Variants in RAVER2 observed in about 807,000 individuals in gnomAD.
RAVER2 encodes the protein ribonucleoprotein, PTB binding 2.
Under a neutral mutation model 78.1 loss-of-function variants are expected in RAVER2, and 46 were observed. That is an observed-to-expected ratio of 0.59 (90% confidence interval 0.46 to 0.75). The LOEUF is 0.75. Among genes scored for constraint, RAVER2 ranks in the 30% least tolerant of loss-of-function variants. RAVER2 has a pLI of 0.00. For synonymous variants in RAVER2, 311 were observed against 313.3 expected (o/e 0.99, Z 0.08); for missense variants, 793 against 837.5 (o/e 0.95, Z 0.66).
At chr1:64,780,080 A>T (rs1316338334) in intron 3 of RAVER2, among the ~76,000 whole-genome samples, 4 of 145,292 alleles carry the variant, frequency 2.8e-5, no homozygotes. Flanking sequence ...ATAGAATAGT[A>T]AAAAAAAATT....
At chr1:64,783,222 T>A (rs976779349) in intron 4 of RAVER2, among the ~76,000 whole-genome samples, 1 of 152,226 alleles carries the variant, frequency 6.6e-6, no homozygotes, top group African/African-American at 2.4e-5. Flanking sequence ...ATAGCATGAT[T>A]GATAATCCTT....
At chr1:64,810,653 G>A (rs1653578495) in intron 9 of RAVER2, among the ~76,000 whole-genome samples, 2 of 152,118 alleles carry the variant, frequency 1.3e-5, no homozygotes, top group African/African-American at 2.4e-5. Context: ...TTGTGGTTTT[G>A]ATTTGCATTT....
intron 2 of RAVER2, among the ~76,000 whole-genome samples, chr1:64,776,979 A>C (rs999130056): frequency 6.6e-6 from 1 of 152,216 alleles, no homozygotes; most frequent in Admixed American, 6.5e-5. Flanking sequence ...TCTTGTCTTA[A>C]GATCAGAATC....
At chr1:64,781,655 A>T in intron 4 of RAVER2, 84 bp downstream of exon 4, 2 of 1,301,084 alleles carry the variant, frequency 1.5e-6, no homozygotes, top group Non-Finnish European at 2.1e-6. Context: ...AGCCAAAGTA[A>T]TTGATTGTCG....
intron 1 of RAVER2, among the ~76,000 whole-genome samples, chr1:64,758,869 A>G (rs1021263938): frequency 6.6e-6 from 1 of 150,424 alleles, no homozygotes; most frequent in Admixed American, 6.6e-5. Flanking sequence ...CTAATACAGT[A>G]TATCCAGGTG....
intron 1 of RAVER2, among the ~76,000 whole-genome samples, chr1:64,763,630 G>A (rs1652085316): frequency 6.6e-6 from 1 of 151,500 alleles, no homozygotes; most frequent in Non-Finnish European, 1.5e-5. Flanking sequence ...AGCCGGACAT[G>A]GTGGCTCACG....
At position 64,830,483 on chromosome 1, in the gene RAVER2, C is replaced by T. The variant is rs1331531307; in HGVS notation, c.1930-356C>T. On this transcript the variant is annotated intron_variant, in intron 11 of 11. Coordinates refer to ENST00000294428, the Ensembl canonical transcript of RAVER2. ...CAGCTTGATGTCTTAGCCACTCCTC[C>T]TTCAGAGGAATACTGACATTCGGTG... Among the ~76,000 whole-genome samples, 12 of 152,316 alleles carry T rather than the reference C, an allele frequency of 7.9e-5. No individual in the cohort carries two copies. The East Asian group carries it at 2.1e-3, about 27-fold the overall frequency.
rs749639777 is a variant in RAVER2 at position 64,745,469 on chromosome 1, G to C, written c.249+48G>C. On this transcript the variant is annotated intron_variant, in intron 1 of 11. Transcript: ENST00000294428. This position sits in a 1 kb window ranked among gnomAD's most constrained non-coding sequence, Gnocchi z 4.3. ...GACGCGTCCCGAGGGGCGGCGGGGC[G>C]GCGCTCCGTGTCCAGGCTGGGATCG... The C allele has an allele frequency of 4.7e-6, 7 of 1,475,806 alleles. No individual in the cohort carries two copies. In the South Asian group the frequency reaches 7.3e-5, roughly 15 times the overall value. The allele number at this position is 1,475,806 out of a possible 1,614,324, so 91.4% of individuals were successfully genotyped here.
At chr1:64,830,764 C>T (rs1654107269) in intron 11 of RAVER2, 75 bp from the exon 12 acceptor site, 2 of 1,349,858 alleles carry the variant, frequency 1.5e-6, no homozygotes, top group South Asian at 2.9e-5. Flanking sequence ...AAGTGGAATG[C>T]TTTTCTTATA....
At chr1:64,804,969 AC>A in intron 7 of RAVER2, 21 bp from the exon 8 acceptor site, 8 of 1,608,252 alleles carry the variant, frequency 5.0e-6, no homozygotes, top group Non-Finnish European at 6.8e-6. Context: ...CATGGGTCTT[AC>A]CTTTTTTTCT....
intron 2 of RAVER2, among the ~76,000 whole-genome samples, chr1:64,774,290 C>G (rs1352619411): frequency 6.6e-6 from 1 of 152,116 alleles, no homozygotes. Context: ...AGGTTTTCTT[C>G]TAGGGTTTTT....
intron 1 of RAVER2, among the ~76,000 whole-genome samples, chr1:64,753,679 A>G (rs929601647): frequency 6.6e-6 from 1 of 151,424 alleles, no homozygotes; most frequent in Non-Finnish European, 1.5e-5. Context: ...GCCCGCCACC[A>G]CACCTGGCTA....
intron 11 of RAVER2, among the ~76,000 whole-genome samples, chr1:64,830,605 G>A (rs1472695179): frequency 6.6e-6 from 1 of 152,158 alleles, no homozygotes; most frequent in Non-Finnish European, 1.5e-5. Flanking sequence ...GTTGGGGTTG[G>A]GAGTGAAGGT....
intron 1 of RAVER2, among the ~76,000 whole-genome samples, chr1:64,767,189 G>A (rs1652196599): frequency 6.6e-6 from 1 of 151,994 alleles, no homozygotes; most frequent in Non-Finnish European, 1.5e-5. Context: ...GATTAAAAGG[G>A]AGAATATTTT....
At chr1:64,802,322 C>G (rs1653289573) in intron 5 of RAVER2, among the ~76,000 whole-genome samples, 1 of 152,310 alleles carries the variant, frequency 6.6e-6, no homozygotes, top group Middle Eastern at 3.4e-3. Flanking sequence ...TTTTACCTAA[C>G]TTCTATTCAA....
chr1:64,810,580 G>A (rs1653576466), intron 9 of RAVER2, among the ~76,000 whole-genome samples: 1 of 152,102 alleles, frequency 6.6e-6, no homozygotes, highest in African/African-American at 2.4e-5. Context: ...TATGAATTCT[G>A]GGGAGACTTA....
intron 5 of RAVER2, among the ~76,000 whole-genome samples, chr1:64,791,264 T>G (rs764117116): frequency 6.6e-6 from 1 of 152,180 alleles, no homozygotes; most frequent in Non-Finnish European, 1.5e-5. Context: ...GAGTTTTTAT[T>G]GGAGTTTCAC....
intron 5 of RAVER2, among the ~76,000 whole-genome samples, chr1:64,800,124 G>T (rs533587259): frequency 0.025 from 3,446 of 139,008 alleles, 155 homozygotes; most frequent in African/African-American, 0.087. Flanking sequence ...GTGTTTTTTT[G>T]TTTTTTGTTT....
At chr1:64,808,628 A>G (rs1268185450) in intron 9 of RAVER2, among the ~76,000 whole-genome samples, 1 of 151,584 alleles carries the variant, frequency 6.6e-6, no homozygotes, top group East Asian at 1.9e-4. Context: ...TACCTGGCTG[A>G]TTTTTGTATT....
Sources: allele counts gnomAD v4.1 joint callset (sites outside exome capture counted in the v4.1 genomes callset), GRCh38; gene constraint gnomAD v4.1.1; non-coding constraint Gnocchi (gnomAD v3.1); transcripts MANE v1.5; gene names NCBI Gene and HGNC (gene_info 2026-07-23, HGNC 2026-07-21).